Variants in ADGRB3 observed in about 807,000 individuals in gnomAD.
ADGRB3 encodes the protein adhesion G protein-coupled receptor B3, also known as brain-specific angiogenesis inhibitor 3.
Under a neutral mutation model 193.4 loss-of-function variants are expected in ADGRB3, and 37 were observed. The observed-to-expected ratio is 0.19, with a 90% CI of 0.15 to 0.25. The LOEUF (loss-of-function observed/expected upper bound fraction) is 0.25, where lower values mean the gene tolerates loss of function less well. Ranked by LOEUF, ADGRB3 falls within the 10% of genes least tolerant of loss-of-function variation. ADGRB3 has a pLI of 1.00. For missense variants in ADGRB3, 1,637 were observed against 1,852.9 expected (o/e 0.88, Z 2.14); for synonymous variants, 690 against 644.2 (o/e 1.07, Z -1.08).
intron 17 of ADGRB3, among the ~76,000 whole-genome samples, chr6:69,157,481 C>G (rs190510954): frequency 1.3e-3 from 199 of 152,186 alleles, no homozygotes; most frequent in Non-Finnish European, 1.5e-3. Flanking sequence ...ATTTTTCTTC[C>G]TTTTCTTTTT....
chr6:69,142,581 C>G (rs1237950775), intron 17 of ADGRB3, among the ~76,000 whole-genome samples: 1 of 152,212 alleles, frequency 6.6e-6, no homozygotes, highest in Non-Finnish European at 1.5e-5. Flanking sequence ...CAAGGCCACA[C>G]AAGCCTATCG....
chr6:68,712,104 G>A (rs950531409), intron 3 of ADGRB3, among the ~76,000 whole-genome samples: 1 of 151,656 alleles, frequency 6.6e-6, no homozygotes, highest in African/African-American at 2.4e-5. Context: ...AATGACTGAG[G>A]GCAAAATATT....
intron 17 of ADGRB3, among the ~76,000 whole-genome samples, chr6:69,087,375 A>C (rs534512109): frequency 2.0e-5 from 3 of 152,272 alleles, no homozygotes; most frequent in East Asian, 3.9e-4. Flanking sequence ...TATGGTCTGA[A>C]TGTTTGTGTC....
intron 3 of ADGRB3, among the ~76,000 whole-genome samples, chr6:68,713,643 G>A (rs987180707): frequency 6.6e-6 from 1 of 150,700 alleles, no homozygotes; most frequent in Admixed American, 6.7e-5. Flanking sequence ...CTTGTTAATA[G>A]ATTGCCCTCT....
At chr6:69,271,442 A>T (rs1322990615) in intron 20 of ADGRB3, among the ~76,000 whole-genome samples, 3 of 152,172 alleles carry the variant, frequency 2.0e-5, no homozygotes, top group African/African-American at 7.2e-5. Context: ...GATTAATCCA[A>T]TATTGATACA....
chr6:68,895,189 G>A (rs1045386552), intron 3 of ADGRB3, among the ~76,000 whole-genome samples: 1 of 149,836 alleles, frequency 6.7e-6, no homozygotes, highest in Non-Finnish European at 1.5e-5. Context: ...ATATTGTACT[G>A]GTTTCATAAG....
intron 3 of ADGRB3, among the ~76,000 whole-genome samples, chr6:68,647,201 A>C (rs540341500): frequency 3.3e-5 from 5 of 152,134 alleles, no homozygotes; most frequent in Non-Finnish European, 5.9e-5. Context: ...GGTATTTTTC[A>C]TTATGTTTAA....
chr6:68,721,655 T>TATATATATATATATATAA (rs1386347336), intron 3 of ADGRB3, among the ~76,000 whole-genome samples: 6 of 141,346 alleles, frequency 4.2e-5, no homozygotes, highest in African/African-American at 1.5e-4. Context: ...TATATATATA[T>TATATATATATATATATAA]AAATTATCAT....
intron 3 of ADGRB3, among the ~76,000 whole-genome samples, chr6:68,773,780 G>A (rs1766684247): frequency 6.6e-6 from 1 of 152,112 alleles, no homozygotes; most frequent in South Asian, 2.1e-4. Context: ...CTAGAAATGG[G>A]ACCTGGAAAT....
At chr6:69,187,181 GA>G (rs1248508706) in intron 17 of ADGRB3, among the ~76,000 whole-genome samples, 1 of 152,022 alleles carries the variant, frequency 6.6e-6, no homozygotes, top group Non-Finnish European at 1.5e-5. Context: ...GGGAGAGAAT[GA>G]AAGAGTAAGA....
At chr6:68,858,818 T>C (rs1765067724) in intron 3 of ADGRB3, among the ~76,000 whole-genome samples, 1 of 152,118 alleles carries the variant, frequency 6.6e-6, no homozygotes, top group Admixed American at 6.5e-5. Flanking sequence ...TGGGAGGCCC[T>C]GGGCCTGGCC....
chr6:69,123,542 A>T (rs2150331119), intron 17 of ADGRB3, among the ~76,000 whole-genome samples: 1 of 152,322 alleles, frequency 6.6e-6, no homozygotes, highest in South Asian at 2.1e-4. Context: ...ATGGAGATAG[A>T]TAATAAAAGC....
intron 3 of ADGRB3, among the ~76,000 whole-genome samples, chr6:68,860,330 A>G (rs1458482277): frequency 6.6e-6 from 1 of 152,222 alleles, no homozygotes; most frequent in Non-Finnish European, 1.5e-5. Flanking sequence ...TAGTGTACCC[A>G]TCACTTGAAT....
chr6:68,967,443 T>A (rs1768416153), intron 8 of ADGRB3, among the ~76,000 whole-genome samples: 1 of 152,056 alleles, frequency 6.6e-6, no homozygotes, highest in Non-Finnish European at 1.5e-5. Context: ...TCCTATAGGA[T>A]CTTAGTAAGT....
chr6:69,273,101 A>T (rs751695239), intron 20 of ADGRB3, among the ~76,000 whole-genome samples: 6 of 152,072 alleles, frequency 3.9e-5, no homozygotes, highest in Non-Finnish European at 7.4e-5. Context: ...GGGTTTCACC[A>T]TGTTGGCCAA....
At chr6:69,177,562 G>A (rs1160806402) in intron 17 of ADGRB3, among the ~76,000 whole-genome samples, 2 of 152,060 alleles carry the variant, frequency 1.3e-5, no homozygotes, top group African/African-American at 2.4e-5. Context: ...CAGCCAGGAT[G>A]GTCTTGATCT....
intron 17 of ADGRB3, among the ~76,000 whole-genome samples, chr6:69,196,481 A>G (rs941367773): frequency 1.3e-5 from 2 of 152,106 alleles, no homozygotes; most frequent in African/African-American, 4.8e-5. Context: ...CTCTTTTGCT[A>G]TCAGATGGCT....
intron 3 of ADGRB3, among the ~76,000 whole-genome samples, chr6:68,804,488 A>G (rs1321116243): frequency 6.6e-6 from 1 of 152,082 alleles, no homozygotes; most frequent in Non-Finnish European, 1.5e-5. Flanking sequence ...TTATTACACT[A>G]CTTGTTCAGT....
intron 22 of ADGRB3, among the ~76,000 whole-genome samples, chr6:69,329,942 A>G (rs2127312785): frequency 6.6e-6 from 1 of 152,362 alleles, no homozygotes; most frequent in South Asian, 2.1e-4. Context: ...TCAAAAGCTT[A>G]TCTTTAGAGA....
Sources: gnomAD v4.1 joint callset for allele counts (sites outside exome capture counted in the v4.1 genomes callset) on GRCh38, gnomAD v4.1.1 for gene constraint, MANE v1.5 for transcripts, NCBI Gene and HGNC (gene_info 2026-07-23, HGNC 2026-07-21) for gene names.